The following CDK14 variants were observed in gnomAD, a reference collection of about 807,000 sequenced individuals.
CDK14 encodes the protein cyclin-dependent kinase 14.
A neutral mutation model predicts 60.7 loss-of-function variants in CDK14; 34 were observed. The ratio of observed to expected loss-of-function variants is 0.56; its 90% CI spans 0.43 to 0.75. CDK14 has a LOEUF of 0.75. Among genes scored for constraint, CDK14 ranks in the 30% least tolerant of loss-of-function variants. The probability of loss-of-function intolerance (pLI) is 0.00; values close to 1 mark genes in which losing one functional copy is unlikely to be tolerated. For synonymous variants in CDK14, 197 were observed against 203.7 expected, an observed-to-expected ratio of 0.97 and a Z score of 0.28; for missense variants, 482 against 564.1, an observed-to-expected ratio of 0.85 and a Z score of 1.47.
At chr7:91,162,928 T>C (rs1454916253) in intron 14 of CDK14, among the ~76,000 whole-genome samples, 1 of 152,154 alleles carries the variant, frequency 6.6e-6, no homozygotes, top group Non-Finnish European at 1.5e-5. Context: ...TCCCAACTCC[T>C]TTCTCTGGGA....
chr7:90,645,461 A>G (rs1417971997), intron 2 of CDK14, among the ~76,000 whole-genome samples: 2 of 152,266 alleles, frequency 1.3e-5, no homozygotes, highest in African/African-American at 2.4e-5. Flanking sequence ...AAAAATCTAC[A>G]CATTTGCCAG....
chr7:91,135,503 G>A (rs922071706), intron 14 of CDK14, among the ~76,000 whole-genome samples: 9 of 152,128 alleles, frequency 5.9e-5, no homozygotes, highest in East Asian at 3.9e-4. Context: ...AAAGATAGCC[G>A]GGTAAGAGTA....
At chr7:90,971,698 G>C (rs1429494055) in intron 9 of CDK14, among the ~76,000 whole-genome samples, 1 of 150,206 alleles carries the variant, frequency 6.7e-6, no homozygotes, top group Admixed American at 6.6e-5. Flanking sequence ...TGATTCCTGG[G>C]TTTCTGGATC....
chr7:90,863,668 A>ATGTGTGTGTGTGTGTGTGTGTGTGTG (rs549142223), intron 6 of CDK14, among the ~76,000 whole-genome samples: 1 of 48,848 alleles, frequency 2.0e-5, no homozygotes, highest in South Asian at 9.6e-4. Context: ...GCTTATTAAG[A>ATGTGTGTGTGTGTGTGTGTGTGTGTG]TATGTGTGTG....
intron 7 of CDK14, among the ~76,000 whole-genome samples, chr7:90,912,737 A>T (rs936190483): frequency 4.6e-5 from 7 of 152,058 alleles, no homozygotes; most frequent in African/African-American, 1.4e-4. Context: ...CCTCCCAAGT[A>T]GCTAGGACTG....
chr7:90,617,438 G>A (rs1173787519), intron 2 of CDK14, among the ~76,000 whole-genome samples: 1 of 152,058 alleles, frequency 6.6e-6, no homozygotes, highest in Non-Finnish European at 1.5e-5. Flanking sequence ...GATTTTGGTA[G>A]TAATTCTAGC....
At chr7:90,603,522 A>G (rs189254821) in intron 1 of CDK14, among the ~76,000 whole-genome samples, 167 of 152,318 alleles carry the variant, frequency 1.1e-3, no homozygotes, top group African/African-American at 3.6e-3. Flanking sequence ...CTAGGTTTGT[A>G]TAAGTACACT....
At chr7:91,199,862 G>A (rs1802663598) in intron 14 of CDK14, among the ~76,000 whole-genome samples, 1 of 152,176 alleles carries the variant, frequency 6.6e-6, no homozygotes, top group South Asian at 2.1e-4. Context: ...TTAAAACAAA[G>A]CCTGACTATC....
intron 11 of CDK14, among the ~76,000 whole-genome samples, chr7:91,046,958 C>T (rs912052187): frequency 5.3e-5 from 8 of 152,142 alleles, no homozygotes; most frequent in Non-Finnish European, 8.8e-5. Context: ...TCTGAAAGTG[C>T]GCAGTGTGTT....
chr7:90,882,275 A>AAAG (rs1411764541), intron 6 of CDK14, among the ~76,000 whole-genome samples: 1 of 151,552 alleles, frequency 6.6e-6, no homozygotes, highest in Non-Finnish European at 1.5e-5. Context: ...AAAAAAAAAA[A>AAAG]AAAGCAGGGA....
At chr7:90,863,891 A>T (rs189487040) in intron 6 of CDK14, among the ~76,000 whole-genome samples, 1 of 152,282 alleles carries the variant, frequency 6.6e-6, no homozygotes, top group East Asian at 1.9e-4. Context: ...CTCTTAAAAA[A>T]CATGGTATTT....
chr7:90,731,202 A>C (rs954314123), intron 3 of CDK14, among the ~76,000 whole-genome samples: 4 of 152,038 alleles, frequency 2.6e-5, no homozygotes, highest in African/African-American at 9.7e-5. Flanking sequence ...TGTTCTGTTC[A>C]TTGGTCTATA....
At chr7:90,683,230 A>G (rs548053007) in intron 2 of CDK14, among the ~76,000 whole-genome samples, 12 of 151,746 alleles carry the variant, frequency 7.9e-5, no homozygotes, top group Non-Finnish European at 1.8e-4. Context: ...TTCTTTCTTT[A>G]TTCATTTATT....
At chr7:90,900,561 A>C (rs1792475514) in intron 7 of CDK14, among the ~76,000 whole-genome samples, 1 of 152,190 alleles carries the variant, frequency 6.6e-6, no homozygotes, top group Non-Finnish European at 1.5e-5. Flanking sequence ...TTATACATCC[A>C]CATGTTCTCA....
At chr7:90,834,919 A>G (rs559956450) in intron 5 of CDK14, among the ~76,000 whole-genome samples, 2 of 152,282 alleles carry the variant, frequency 1.3e-5, no homozygotes, top group East Asian at 3.9e-4. Flanking sequence ...TAGAGGGAAA[A>G]GCTAGAGATT....
intron 1 of CDK14, chr7:90,597,259 G>A (rs1042464999): frequency 2.6e-5 from 4 of 152,742 alleles, no homozygotes; most frequent in African/African-American, 9.6e-5. Context: ...TCAGTCTCGA[G>A]GTCTCTGAAT....
At chr7:90,759,037 CAGAGCG>C (rs1804204029) in intron 4 of CDK14, among the ~76,000 whole-genome samples, 1 of 137,356 alleles carries the variant, frequency 7.3e-6, no homozygotes, top group East Asian at 2.2e-4. Flanking sequence ...GCCTGGGTGA[CAGAGCG>C]AGACTCTGTC....
At chr7:91,132,205 G>A (rs962283091) in intron 14 of CDK14, among the ~76,000 whole-genome samples, 6 of 152,130 alleles carry the variant, frequency 3.9e-5, no homozygotes, top group South Asian at 4.1e-4. Flanking sequence ...AATTTTGCTC[G>A]AGGAGATAGC....
intron 9 of CDK14, among the ~76,000 whole-genome samples, chr7:90,956,939 T>G (rs1409140820): frequency 1.3e-5 from 2 of 151,844 alleles, no homozygotes; most frequent in Non-Finnish European, 2.9e-5. Context: ...ACAAAGGACA[T>G]GAACTCATCA....
Sources: gnomAD v4.1 joint callset for allele counts (sites outside exome capture counted in the v4.1 genomes callset) on GRCh38, gnomAD v4.1.1 for gene constraint, MANE v1.5 for transcripts, NCBI Gene and HGNC (gene_info 2026-07-23, HGNC 2026-07-21) for gene names.